The following RASAL2 variants were observed in gnomAD, a reference collection of about 807,000 sequenced individuals.
RASAL2 encodes ras GTPase-activating protein nGAP.
Under a neutral mutation model 128.9 loss-of-function variants are expected in RASAL2, and 58 were observed. The observed-to-expected ratio is 0.45, with a 90% CI of 0.36 to 0.56. RASAL2 has a LOEUF of 0.56. RASAL2 is among the 20% of genes least tolerant of loss of function. RASAL2 has a pLI of 0.00. For synonymous variants in RASAL2, 561 were observed against 580.8 expected (o/e 0.97, Z 0.49); for missense variants, 1,360 against 1,601.6 (o/e 0.85, Z 2.57).
intron 1 of RASAL2, among the ~76,000 whole-genome samples, chr1:178,247,562 A>C (rs1042626790): frequency 6.6e-6 from 1 of 151,772 alleles, no homozygotes; most frequent in African/African-American, 2.4e-5. Context: ...TCGTGTCTCT[A>C]TCTCCTTCAG....
chr1:178,429,865 T>C (rs1675768952), intron 5 of RASAL2, among the ~76,000 whole-genome samples: 1 of 152,144 alleles, frequency 6.6e-6, no homozygotes, highest in African/African-American at 2.4e-5. Context: ...TTCATCCTCA[T>C]GCAACAGTAC....
intron 3 of RASAL2, among the ~76,000 whole-genome samples, chr1:178,345,855 C>T (rs1289832800): frequency 6.6e-6 from 1 of 152,180 alleles, no homozygotes. Flanking sequence ...AGTCTATTAA[C>T]AGGGAAGGAT....
intron 3 of RASAL2, among the ~76,000 whole-genome samples, chr1:178,346,182 G>C (rs1439056716): frequency 6.6e-6 from 1 of 152,128 alleles, no homozygotes; most frequent in East Asian, 1.9e-4. Flanking sequence ...TTGGGAGGCT[G>C]AATCAGGAGG....
chr1:178,407,429 A>G (rs970229347), intron 4 of RASAL2, among the ~76,000 whole-genome samples: 8 of 152,238 alleles, frequency 5.3e-5, no homozygotes, highest in Admixed American at 5.2e-4. Context: ...TATAGATGAC[A>G]CAGCTTTTTT....
intron 1 of RASAL2, among the ~76,000 whole-genome samples, chr1:178,110,743 T>C (rs957602628): frequency 1.3e-5 from 2 of 150,620 alleles, no homozygotes; most frequent in African/African-American, 2.4e-5. Flanking sequence ...CACACTACTA[T>C]GCCTGGCTAA....
intron 4 of RASAL2, among the ~76,000 whole-genome samples, chr1:178,414,144 AT>A (rs1230962804): frequency 6.6e-6 from 1 of 152,210 alleles, no homozygotes. Context: ...AGTCAAAAAT[AT>A]CCTAAATTGA....
At chr1:178,146,564 G>A (rs1660736630) in intron 1 of RASAL2, among the ~76,000 whole-genome samples, 2 of 152,158 alleles carry the variant, frequency 1.3e-5, no homozygotes, top group African/African-American at 4.8e-5. Flanking sequence ...AGATAACTTG[G>A]AAAACATCTT....
intron 1 of RASAL2, among the ~76,000 whole-genome samples, chr1:178,244,772 TA>T (rs1423755688): frequency 6.6e-6 from 1 of 152,040 alleles, no homozygotes; most frequent in African/African-American, 2.4e-5. Context: ...ATCCCCTCCC[TA>T]TGTCCATGTG....
chr1:178,224,011 A>G (rs1663704903), intron 1 of RASAL2, among the ~76,000 whole-genome samples: 1 of 152,196 alleles, frequency 6.6e-6, no homozygotes, highest in Non-Finnish European at 1.5e-5. Context: ...TAAATTGAAT[A>G]TATGAGTATG....
intron 1 of RASAL2, among the ~76,000 whole-genome samples, chr1:178,219,951 GCTGGTACC>G (rs1406529155): frequency 6.6e-6 from 1 of 152,058 alleles, no homozygotes; most frequent in East Asian, 1.9e-4. Flanking sequence ...CTCGTGAATG[GCTGGTACC>G]CTCCTCTCAG....
At chr1:178,102,765 A>G (rs1412576072) in intron 1 of RASAL2, among the ~76,000 whole-genome samples, 1 of 152,176 alleles carries the variant, frequency 6.6e-6, no homozygotes, top group Admixed American at 6.5e-5. Flanking sequence ...AAGATATTCC[A>G]TGAGCTCTCT....
At chr1:178,300,175 T>C in intron 3 of RASAL2, 57 bp downstream of exon 3, 6 of 1,533,016 alleles carry the variant, frequency 3.9e-6, no homozygotes, top group Non-Finnish European at 5.3e-6. Flanking sequence ...ATTTATGGAC[T>C]TGTTACTGAG....
chr1:178,458,611 T>C (rs971912326), intron 14 of RASAL2, 67 bp downstream of exon 14: 28 of 1,489,100 alleles, frequency 1.9e-5, no homozygotes, highest in Non-Finnish European at 2.5e-5. Context: ...TCTTTATACA[T>C]AAATCATTGG....
chr1:178,163,965 A>G (rs1487224757), intron 1 of RASAL2, among the ~76,000 whole-genome samples: 9 of 152,178 alleles, frequency 5.9e-5, no homozygotes, highest in Non-Finnish European at 8.8e-5. Flanking sequence ...TCAGGATACA[A>G]GTCTTTCACT....
At chr1:178,408,527 G>A (rs374835625) in intron 4 of RASAL2, among the ~76,000 whole-genome samples, 3 of 151,688 alleles carry the variant, frequency 2.0e-5, no homozygotes, top group African/African-American at 7.3e-5. Context: ...AATCCTAGGG[G>A]CAAATTCTTG....
At chr1:178,195,255 A>G (rs1242152930) in intron 1 of RASAL2, among the ~76,000 whole-genome samples, 3 of 152,248 alleles carry the variant, frequency 2.0e-5, no homozygotes, top group African/African-American at 7.2e-5. Flanking sequence ...AATCTAGATT[A>G]CTTCTAATTT....
chr1:178,347,434 A>G (rs1670207820), intron 3 of RASAL2, among the ~76,000 whole-genome samples: 1 of 152,196 alleles, frequency 6.6e-6, no homozygotes, highest in Non-Finnish European at 1.5e-5. Flanking sequence ...GAAAAAATAA[A>G]TTTTTAAATT....
chr1:178,138,383 A>G (rs1206258331), intron 1 of RASAL2, among the ~76,000 whole-genome samples: 2 of 152,184 alleles, frequency 1.3e-5, no homozygotes, highest in East Asian at 3.8e-4. Flanking sequence ...ACATATTAAT[A>G]TATCTCAAAT....
Position 178,300,015 on chromosome 1 carries a change from G to A in RASAL2, c.354G>A (p.Glu118=), listed in dbSNP as rs1667692624. ...AGATACCTGTGGAAGGGGGACAGGAGCAGCAGACAGATTCCACCAAAGGGC... is the reference window on the plus strand; with the variant it reads ...AGATACCTGTGGAAGGGGGACAGGAACAGCAGACAGATTCCACCAAAGGGC... ...EKEIPVEGGQ[E]QQTDSTKGRC... The change falls in exon 3 of 18, where the codon GAG becomes GAA. Residue 118 remains glutamate, a synonymous_variant. Coordinates refer to ENST00000367649, the MANE Select transcript of RASAL2 (RefSeq NM_170692.4). The A allele has an allele frequency of 6.2e-7, 1 of 1,613,950 alleles. No homozygotes were observed. Among genetic ancestry groups the A allele is most frequent in the Non-Finnish European group, 8.5e-7 (1 of 1,179,934 alleles).
Sources: gnomAD v4.1 joint callset for allele counts (sites outside exome capture counted in the v4.1 genomes callset) on GRCh38, gnomAD v4.1.1 for gene constraint, MANE v1.5 for transcripts, NCBI Gene and HGNC (gene_info 2026-07-23, HGNC 2026-07-21) for gene names.